GALNT11: variants seen among roughly 807,000 people sequenced by gnomAD.
GALNT11 encodes polypeptide N-acetylgalactosaminyltransferase 11, also known as UDP-GalNAc:polypeptide N-acetylgalactosaminyltransferase 11.
A neutral mutation model predicts 72.7 loss-of-function variants in GALNT11; 47 were observed. The observed-to-expected ratio is 0.65, with a 90% CI of 0.51 to 0.82. GALNT11 has a LOEUF of 0.82. Ranked by LOEUF, GALNT11 falls within the 40% of genes least tolerant of loss-of-function variation. The pLI, the probability that GALNT11 is intolerant of heterozygous loss-of-function variation, is 0.00. For synonymous variants in GALNT11, 270 were observed against 286.6 expected (o/e 0.94, Z 0.58); for missense variants, 677 against 778.4 (o/e 0.87, Z 1.55).
chr7:152,101,642 T>TTGG lies in GALNT11; in HGVS notation c.419+721_419+722insTGG, dbSNP rs1491144850. On this transcript the variant is annotated intron_variant, in intron 3 of 11. Coordinates refer to ENST00000430044, the MANE Select transcript of GALNT11 (RefSeq NM_022087.4). ...GTTCTCTAAGTTCATGGCTTTTTTT[T>TTGG]GGGGGGGGGGGGATGGAGTCTTTCT... 2.3e-3 allele frequency among the ~76,000 whole-genome samples: 211 copies of TTGG among 93,204 alleles called. 2 individuals carry two copies. Among genetic ancestry groups the TTGG allele is most frequent in the African/African-American group, 8.0e-3 (202 of 25,222 alleles). 61.1% of individuals were successfully genotyped at this position (93,204 alleles called of 152,430 possible).
In GALNT11 at chr7:152,105,466, T is replaced by C. The variant is rs531572348; in HGVS notation, c.712+96T>C. The C allele has an allele frequency of 2.2e-5, 33 of 1,494,034 alleles. No homozygotes were observed. The African/African-American group carries it at 4.3e-4, about 20-fold the overall frequency. 92.5% of individuals were successfully genotyped at this position (1,494,034 alleles called of 1,614,324 possible). ...ATTCTGCAAAGTCTATGAAGAGTAG[T>C]GTTTCAAACGGACATTGCCAGCAGG... On this transcript the variant is annotated intron_variant, in intron 5 of 11. Transcript: ENST00000430044.
intron 1 of GALNT11, among the ~76,000 whole-genome samples, chr7:152,083,521 T>G (rs1199822820): frequency 6.6e-6 from 1 of 152,198 alleles, no homozygotes; most frequent in African/African-American, 2.4e-5. Flanking sequence ...ATTGGGTCTT[T>G]TTTCTCTTCT....
chr7:152,043,388 T>TGGC (rs1188292555), intron 1 of GALNT11, among the ~76,000 whole-genome samples: 1 of 152,196 alleles, frequency 6.6e-6, no homozygotes, highest in Non-Finnish European at 1.5e-5. Context: ...CTACCGGCTG[T>TGGC]GGCGGGGGAC....
At chr7:152,071,451 C>T (rs937739442) in intron 1 of GALNT11, among the ~76,000 whole-genome samples, 3 of 152,336 alleles carry the variant, frequency 2.0e-5, no homozygotes, top group South Asian at 4.1e-4. Context: ...TTAAGGTTAT[C>T]TCTCTTATTC....
intron 1 of GALNT11, among the ~76,000 whole-genome samples, chr7:152,078,751 T>A (rs78732402): frequency 0.013 from 2,003 of 152,368 alleles, 27 homozygotes; most frequent in Non-Finnish European, 0.019. Flanking sequence ...ATGTTTTTTT[T>A]AATCACATTT....
intron 1 of GALNT11, among the ~76,000 whole-genome samples, chr7:152,058,473 A>T (rs534429309): frequency 5.9e-5 from 9 of 152,220 alleles, no homozygotes; most frequent in African/African-American, 1.9e-4. Flanking sequence ...AGCTGGGACT[A>T]CAGGCATGCG....
chr7:152,121,484 C>T, intron 11 of GALNT11, 62 bp from the exon 12 acceptor site: 1 of 1,571,236 alleles, frequency 6.4e-7, no homozygotes, highest in Non-Finnish European at 8.6e-7. Context: ...TCCATCTCTC[C>T]TCTGGATTTC....
chr7:152,081,266 A>G (rs1163300533), intron 1 of GALNT11, among the ~76,000 whole-genome samples: 1 of 152,196 alleles, frequency 6.6e-6, no homozygotes, highest in Non-Finnish European at 1.5e-5. Context: ...TTCATGGAGC[A>G]CAGTTTTATA....
At chr7:152,095,547 G>C (rs906870827) in intron 2 of GALNT11, among the ~76,000 whole-genome samples, 1 of 152,062 alleles carries the variant, frequency 6.6e-6, no homozygotes, top group Non-Finnish European at 1.5e-5. Flanking sequence ...ATTTTATGAG[G>C]AAACAAGCTA....
chr7:152,080,715 A>G (rs1388669772), intron 1 of GALNT11, among the ~76,000 whole-genome samples: 1 of 152,116 alleles, frequency 6.6e-6, no homozygotes, highest in Non-Finnish European at 1.5e-5. Context: ...TAATCCCAGC[A>G]CTTTGGGAGG....
At chr7:152,058,175 G>A (rs62481474) in intron 1 of GALNT11, among the ~76,000 whole-genome samples, 8,139 of 152,078 alleles carry the variant, frequency 0.054, 320 homozygotes, top group African/African-American at 0.1. Context: ...AAAGCCCAAT[G>A]TGCATGCCTT....
chr7:152,076,423 G>C (rs758056862), intron 1 of GALNT11, among the ~76,000 whole-genome samples: 1 of 151,960 alleles, frequency 6.6e-6, no homozygotes, highest in African/African-American at 2.4e-5. Flanking sequence ...GAAGTGCGCC[G>C]TCTAGGAAAG....
intron 1 of GALNT11, among the ~76,000 whole-genome samples, chr7:152,033,380 T>G (rs2082400200): frequency 6.6e-6 from 1 of 152,220 alleles, no homozygotes; most frequent in East Asian, 1.9e-4. Flanking sequence ...GCAGCCTTTC[T>G]CTGATCTCGC....
chr7:152,112,675 C>G (rs1489594466), intron 7 of GALNT11, among the ~76,000 whole-genome samples: 2 of 151,972 alleles, frequency 1.3e-5, no homozygotes, highest in African/African-American at 2.4e-5. Context: ...TTAGATAAGG[C>G]AATCTAATCC....
chr7:152,038,244 G>C (rs968657600), intron 1 of GALNT11, among the ~76,000 whole-genome samples: 1 of 152,162 alleles, frequency 6.6e-6, no homozygotes, highest in African/African-American at 2.4e-5. Context: ...AGCCTTCAGA[G>C]CTGAGAGCCA....
Position 152,043,792 on chromosome 7 carries a change from T to A in GALNT11, c.-39+17908T>A, listed in dbSNP as rs114718693. Reference sequence around the variant, plus strand: ...CTCTCCCTCCATTGCCGCTTTACCTTTAGCTGGCAAACAAACCTGCTCTGT... The same window carrying A: ...CTCTCCCTCCATTGCCGCTTTACCTATAGCTGGCAAACAAACCTGCTCTGT... On this transcript the variant is annotated intron_variant, in intron 1 of 11. Coordinates refer to ENST00000430044, the MANE Select transcript of GALNT11 (RefSeq NM_022087.4). Among the ~76,000 whole-genome samples the A allele has an allele frequency of 7.4e-3, 1,132 of 152,286 alleles. 17 individuals carry two copies. Among genetic ancestry groups the A allele is most frequent in the African/African-American group, 0.026 (1,092 of 41,564 alleles).
At chr7:152,076,591 G>A (rs1306574379) in intron 1 of GALNT11, among the ~76,000 whole-genome samples, 1 of 152,214 alleles carries the variant, frequency 6.6e-6, no homozygotes, top group African/African-American at 2.4e-5. Flanking sequence ...GGAAGCTGGA[G>A]TCTTCTTATC....
intron 1 of GALNT11, among the ~76,000 whole-genome samples, chr7:152,045,835 TCTTG>T (rs143217564): frequency 0.041 from 6,271 of 152,114 alleles, 420 homozygotes; most frequent in African/African-American, 0.14. Flanking sequence ...GTTGGTTTCC[TCTTG>T]CTTTTCTTCT....
chr7:152,105,367 A>G lies in GALNT11; in HGVS notation c.709A>G (p.Thr237Ala). The change falls in exon 5 of 12, where the codon ACA becomes GCA. Residue 237 changes from threonine (T) to alanine (A), a missense_variant. Coordinates refer to ENST00000430044, the MANE Select transcript of GALNT11 (RefSeq NM_022087.4). ...GAGAATGATTGGCGCGGCCCACGCG[A>G]CAGGTATCACTTCTCGTTAGCTTTG... ...RGRMIGAAHA[T>A]GEVLVFLDSH... 6.2e-7 allele frequency: 1 copy of G among 1,612,440 alleles called. No homozygotes were observed. Among genetic ancestry groups the G allele is most frequent in the South Asian group, 1.1e-5 (1 of 90,644 alleles).
Sources: gnomAD v4.1 joint callset for allele counts (sites outside exome capture counted in the v4.1 genomes callset) on GRCh38, gnomAD v4.1.1 for gene constraint, MANE v1.5 for transcripts, NCBI Gene and HGNC (gene_info 2026-07-23, HGNC 2026-07-21) for gene names.